Variants in GABBR2 observed in about 807,000 individuals in gnomAD.
The protein encoded by GABBR2 is gamma-aminobutyric acid type B receptor subunit 2.
Under a neutral mutation model 105.6 loss-of-function variants are expected in GABBR2, and 23 were observed. The observed-to-expected ratio is 0.22, with a 90% CI of 0.16 to 0.31. GABBR2 has a LOEUF of 0.31. Among genes scored for constraint, GABBR2 ranks in the 10% least tolerant of loss-of-function variants. The pLI is 1.00. For missense variants in GABBR2, 734 were observed against 1,245.5 expected (o/e 0.59, Z 6.18); for synonymous variants, 478 against 499.7 (o/e 0.96, Z 0.58).
chr9:98,567,660 C>T (rs1213861754), intron 2 of GABBR2, among the ~76,000 whole-genome samples: 1 of 152,204 alleles, frequency 6.6e-6, no homozygotes, highest in Non-Finnish European at 1.5e-5. Context: ...CATGCTCCAG[C>T]ATCCCTGTCC....
chr9:98,560,137 T>C (rs1327528243), intron 2 of GABBR2, among the ~76,000 whole-genome samples: 2 of 152,172 alleles, frequency 1.3e-5, no homozygotes, highest in South Asian at 2.1e-4. Context: ...TTCTCTGCTA[T>C]ACATTTGACT....
chr9:98,353,440 C>T (rs1831434596), intron 13 of GABBR2, among the ~76,000 whole-genome samples: 1 of 152,140 alleles, frequency 6.6e-6, no homozygotes, highest in South Asian at 2.1e-4. Context: ...TTGACCTCCT[C>T]CCACGAATCT....
intron 2 of GABBR2, among the ~76,000 whole-genome samples, chr9:98,559,923 G>C (rs540388282): frequency 6.6e-6 from 1 of 151,558 alleles, no homozygotes; most frequent in South Asian, 2.1e-4. Context: ...GCAAGGTGCA[G>C]AAGAGTGTAG....
rs141830622 is a variant in GABBR2 at position 98,406,149 on chromosome 9, C to T, written c.1237-8G>A. 747 of 1,535,322 alleles carry T rather than the reference C, an allele frequency of 4.9e-4. 2 individuals are homozygous for T. In the African/African-American group the frequency reaches 8.5e-3, roughly 18 times the overall value. On this transcript the variant is annotated splice_region_variant and splice_polypyrimidine_tract_variant and intron_variant, in intron 7 of 18. Coordinates refer to ENST00000259455, the MANE Select transcript of GABBR2 (RefSeq NM_005458.8). ...CCGGAATACAACTTGACCCTAAAAA[C>T]AAAACAAAACAAATCAAACAAGAAT...
intron 3 of GABBR2, among the ~76,000 whole-genome samples, chr9:98,525,161 T>A (rs1436099940): frequency 6.6e-6 from 1 of 152,006 alleles, no homozygotes; most frequent in Non-Finnish European, 1.5e-5. Flanking sequence ...AAAGATAGAT[T>A]TGACCTTACT....
Position 98,493,333 on chromosome 9 carries a change from T to C in GABBR2, c.732+3080A>G, listed in dbSNP as rs563686386. 2.0e-5 allele frequency among the ~76,000 whole-genome samples: 3 copies of C among 152,342 alleles called. No homozygotes were observed. The South Asian group carries it at 6.2e-4, about 32-fold the overall frequency. ...TTGTCTAAGGAGCCCTGGTTCCTTT[T>C]ACTGGAGAATGGTGTTAGGAACCAA... On this transcript the variant is annotated intron_variant, in intron 4 of 18. Coordinates refer to ENST00000259455, the MANE Select transcript of GABBR2 (RefSeq NM_005458.8).
chr9:98,300,288 A>T (rs1282820885), intron 16 of GABBR2, among the ~76,000 whole-genome samples: 1 of 151,948 alleles, frequency 6.6e-6, no homozygotes, highest in Non-Finnish European at 1.5e-5. Context: ...CAGAGGAGTT[A>T]ATCAGGATGG....
intron 1 of GABBR2, among the ~76,000 whole-genome samples, chr9:98,675,439 A>G (rs1830464105): frequency 6.6e-6 from 1 of 152,174 alleles, no homozygotes. Flanking sequence ...ACATGAAGGG[A>G]GTCAGCGGAC....
intron 1 of GABBR2, among the ~76,000 whole-genome samples, chr9:98,650,013 G>C (rs568348700): frequency 9.2e-5 from 14 of 152,268 alleles, no homozygotes; most frequent in African/African-American, 3.1e-4. Context: ...GCTATAAAGA[G>C]GTCTCTCCTT....
At chr9:98,574,681 GTT>G (rs1828883669) in intron 2 of GABBR2, among the ~76,000 whole-genome samples, 1 of 152,186 alleles carries the variant, frequency 6.6e-6, no homozygotes, top group Admixed American at 6.5e-5. Flanking sequence ...TTGTAACCCA[GTT>G]CTATGTCTTA....
chr9:98,444,008 T>G (rs1826077795), intron 7 of GABBR2, among the ~76,000 whole-genome samples: 4 of 152,244 alleles, frequency 2.6e-5, no homozygotes, highest in Admixed American at 2.6e-4. Flanking sequence ...CTTAAGAATA[T>G]GGACTTTGAG....
chr9:98,583,094 T>C (rs1829024546), intron 1 of GABBR2, among the ~76,000 whole-genome samples: 2 of 152,138 alleles, frequency 1.3e-5, no homozygotes, highest in Admixed American at 1.3e-4. Context: ...CTCCTCCAGA[T>C]CAGAGCTCTT....
At chr9:98,651,886 A>T (rs948248113) in intron 1 of GABBR2, among the ~76,000 whole-genome samples, 3 of 152,194 alleles carry the variant, frequency 2.0e-5, no homozygotes, top group African/African-American at 7.2e-5. Flanking sequence ...ATTAATGTTG[A>T]TTTTTTAAAA....
At chr9:98,670,086 G>A (rs538708948) in intron 1 of GABBR2, among the ~76,000 whole-genome samples, 5 of 152,302 alleles carry the variant, frequency 3.3e-5, no homozygotes, top group African/African-American at 9.6e-5. Flanking sequence ...AGGGCCAGCC[G>A]AAGGACTGTG....
At chr9:98,669,037 C>T (rs1464488787) in intron 1 of GABBR2, among the ~76,000 whole-genome samples, 1 of 151,998 alleles carries the variant, frequency 6.6e-6, no homozygotes, top group Non-Finnish European at 1.5e-5. Flanking sequence ...TGAGTCCCTG[C>T]TTTGAATTAT....
intron 7 of GABBR2, among the ~76,000 whole-genome samples, chr9:98,414,975 T>C (rs1832662298): frequency 1.3e-5 from 2 of 152,184 alleles, no homozygotes; most frequent in Admixed American, 1.3e-4. Context: ...GGACTTTATA[T>C]AAGAGATAAA....
rs1164855780 is a variant in GABBR2 at position 98,613,254 on chromosome 9, C to A, written c.322-35182G>T. 2.0e-5 allele frequency among the ~76,000 whole-genome samples: 3 copies of A among 152,096 alleles called. No homozygotes were observed. In the East Asian group the frequency reaches 5.8e-4, roughly 29 times the overall value. ...ATGAGTTCGAGACCAGCCTGGGCAA[C>A]ATAATGAGACCCAATCTCTATAAAC... On this transcript the variant is annotated intron_variant, in intron 1 of 18. Coordinates refer to ENST00000259455, the MANE Select transcript of GABBR2 (RefSeq NM_005458.8).
intron 11 of GABBR2, among the ~76,000 whole-genome samples, chr9:98,372,287 C>T (rs1305349687): frequency 6.6e-6 from 1 of 152,168 alleles, no homozygotes; most frequent in African/African-American, 2.4e-5. Context: ...TCCCAGACCC[C>T]CCAACCCTCA....
rs1464116569 is a variant in GABBR2, at chr9:98,306,271, C to T, written c.2079G>A (p.Gly693=). The T allele has an allele frequency of 1.9e-6, 3 of 1,614,036 alleles. No individual in the cohort carries two copies. The highest frequency in any genetic ancestry group is 1.3e-5 in the African/African-American group (1 of 74,934). Reference sequence around the variant, plus strand: ...TGATCCCCACGTTGTAGACACTCATCCCGATGTACTTGCTGTCGTTGAGTG... The same window carrying T: ...TGATCCCCACGTTGTAGACACTCATTCCGATGTACTTGCTGTCGTTGAGTG... The part of the protein sequence containing the change: ...IPALNDSKYI[G]MSVYNVGIMC... Residue 693 remains glycine, a synonymous_variant, in exon 15 of 19, where the codon GGG becomes GGA. Transcript: ENST00000259455. The surrounding 1 kb of genome is among the most constrained non-coding windows in gnomAD (Gnocchi z 5.4).
Sources: gnomAD v4.1 joint callset for allele counts (sites outside exome capture counted in the v4.1 genomes callset) on GRCh38, gnomAD v4.1.1 for gene constraint, Gnocchi (gnomAD v3.1) non-coding constraint, MANE v1.5 for transcripts, NCBI Gene and HGNC (gene_info 2026-07-23, HGNC 2026-07-21) for gene names.